The following FSD2 variants were observed in gnomAD, a reference collection of about 807,000 sequenced individuals.
FSD2 encodes the protein fibronectin type III and SPRY domain-containing protein 2.
FSD2 carries 71 observed loss-of-function variants against 80.4 expected under a neutral mutation model. The observed-to-expected ratio is 0.88, with a 90% confidence interval of 0.73 to 1.08. The LOEUF is 1.08. Ranked by LOEUF, FSD2 falls within the 50% of genes least tolerant of loss-of-function variation. FSD2 has a pLI of 0.00. For missense variants in FSD2, 923 were observed against 913.8 expected, an observed-to-expected ratio of 1.01 and a Z score of -0.13; for synonymous variants, 361 against 329.5, an observed-to-expected ratio of 1.10 and a Z score of -1.03.
intron 1 of FSD2, among the ~76,000 whole-genome samples, chr15:82,801,186 C>G (rs772748737): frequency 6.6e-6 from 1 of 152,146 alleles, no homozygotes; most frequent in Non-Finnish European, 1.5e-5. Flanking sequence ...ATTACAAGAA[C>G]CCAGGATGCT....
intron 9 of FSD2, 77 bp from the exon 10 acceptor site, chr15:82,766,108 C>A: frequency 1.4e-6 from 2 of 1,455,824 alleles, no homozygotes; most frequent in South Asian, 1.4e-5. Flanking sequence ...CCTTTCAAAG[C>A]TGGAAGGTTT....
At chr15:82,794,329 C>A (rs372553508) in intron 1 of FSD2, among the ~76,000 whole-genome samples, 1 of 152,024 alleles carries the variant, frequency 6.6e-6, no homozygotes, top group Admixed American at 6.6e-5. Flanking sequence ...CATTCCATTG[C>A]GACCAGAAAA....
intron 1 of FSD2, among the ~76,000 whole-genome samples, chr15:82,794,259 G>A (rs1949709701): frequency 6.6e-6 from 1 of 151,984 alleles, no homozygotes; most frequent in Non-Finnish European, 1.5e-5. Flanking sequence ...GGAGTGTGTT[G>A]TTTAATTTCC....
In FSD2 at chr15:82,757,234, C is replaced by T. The variant is rs914688298; in HGVS notation, c.*2114G>A. On this transcript the variant is annotated 3_prime_UTR_variant, in exon 13 of 13. Coordinates refer to ENST00000334574, the MANE Select transcript of FSD2 (RefSeq NM_001007122.4). ...CGTGTTGAGTTTTTAATCCATTTAT[C>T]CGTGTTCATACTAACGTGTAGTATT... The T allele has an allele frequency of 3.9e-5, 6 of 152,096 alleles. No individual in the cohort carries two copies. Among genetic ancestry groups the T allele is most frequent in the Admixed American group, 2.6e-4 (4 of 15,258 alleles). 9.4% of individuals were successfully genotyped at this position (152,096 alleles called of 1,614,324 possible).
At position 82,762,154 on chromosome 15, in the gene FSD2, G is replaced by C. The variant is rs775900291; in HGVS notation, c.1945C>G (p.Leu649Val). 1 of 1,612,156 alleles carries C rather than the reference G, an allele frequency of 6.2e-7. No homozygotes were observed. Among genetic ancestry groups the C allele is most frequent in the Non-Finnish European group, 8.5e-7 (1 of 1,179,120 alleles). Residue 649 changes from leucine to valine, a missense_variant, in exon 12 of 13, where the codon CTG becomes GTG. By Grantham distance (32) the Leu-to-Val change is conservative. Coordinates refer to ENST00000334574, the MANE Select transcript of FSD2 (RefSeq NM_001007122.4). ...AFADVRKQED[L>V]GANCLSWCMR... The stretch of plus-strand genomic sequence containing the variant: ...CACCAGGAGAGGCAATTTGCTCCCA[G>C]ATCCTCCTGTTTACGGACATCTGCA...
At chr15:82,789,842 A>C (rs2050097370) in intron 1 of FSD2, among the ~76,000 whole-genome samples, 2 of 152,158 alleles carry the variant, frequency 1.3e-5, no homozygotes, top group South Asian at 4.1e-4. Context: ...GGATCACTTG[A>C]GGCCAGAGTT....
Position 82,789,863 on chromosome 15 carries a change from C to A in FSD2, c.-78-2395G>T, listed in dbSNP as rs1308091870. Among the ~76,000 whole-genome samples, 3 of 152,226 alleles carry A rather than the reference C, an allele frequency of 2.0e-5. No homozygotes were observed. The East Asian group carries it at 5.8e-4, about 29-fold the overall frequency. On this transcript the variant is annotated intron_variant, in intron 1 of 12. Coordinates refer to ENST00000334574, the MANE Select transcript of FSD2 (RefSeq NM_001007122.4). Reference sequence around the variant, plus strand: ...CTTGAGGCCAGAGTTCAAGACCAGCCTGGGCAACATAGCAAGACCCTGTCT... The same window carrying A: ...CTTGAGGCCAGAGTTCAAGACCAGCATGGGCAACATAGCAAGACCCTGTCT...
chr15:82,772,172 C>T lies in FSD2; in HGVS notation c.1168G>A (p.Val390Ile), dbSNP rs998389757. The T allele has an allele frequency of 1.2e-6, 2 of 1,612,658 alleles. No homozygotes were observed. The highest frequency in any genetic ancestry group is 2.2e-5 in the South Asian group (2 of 90,600). ...QVPNSATGSS[V>I]RVCWSLYSDD... Reference sequence around the variant, plus strand: ...GAGTATAAGCTCCAGCACACTCGGACTGAGGAACCTGTGGCTGAGTTAGGG... The same window carrying T: ...GAGTATAAGCTCCAGCACACTCGGATTGAGGAACCTGTGGCTGAGTTAGGG... The change falls in exon 7 of 13, where the codon GTC becomes ATC. Residue 390 changes from valine (V) to isoleucine (I), a missense_variant. Physicochemically the swap from Val to Ile is conservative, Grantham distance 29. Coordinates refer to ENST00000334574, the MANE Select transcript of FSD2 (RefSeq NM_001007122.4).
At chr15:82,762,520 A>G (rs11633676) in intron 11 of FSD2, among the ~76,000 whole-genome samples, 21,156 of 152,190 alleles carry the variant, frequency 0.14, 1,946 homozygotes, top group South Asian at 0.33. Context: ...CAACAGAACA[A>G]GTTTTGTTTG....
chr15:82,802,284 C>G (rs2050432730), intron 1 of FSD2, among the ~76,000 whole-genome samples: 1 of 152,204 alleles, frequency 6.6e-6, no homozygotes, highest in Non-Finnish European at 1.5e-5. Flanking sequence ...TTGCTAGCTC[C>G]TCCTGGGTAT....
chr15:82,803,371 C>T (rs539064005), intron 1 of FSD2, among the ~76,000 whole-genome samples: 1 of 152,258 alleles, frequency 6.6e-6, no homozygotes, highest in African/African-American at 2.4e-5. Context: ...ATTCTGAGGG[C>T]TCCATTACTG....
At chr15:82,799,402 C>T (rs1448922845) in intron 1 of FSD2, among the ~76,000 whole-genome samples, 1 of 152,182 alleles carries the variant, frequency 6.6e-6, no homozygotes, top group Non-Finnish European at 1.5e-5. Context: ...CCCTTAACCT[C>T]CATTCTAGGC....
intron 12 of FSD2, 35 bp downstream of exon 12, chr15:82,762,067 A>T: frequency 6.6e-7 from 1 of 1,517,610 alleles, no homozygotes; most frequent in Non-Finnish European, 8.9e-7. Flanking sequence ...TTTCAAAAGC[A>T]AATTTTAATT....
chr15:82,796,598 G>A (rs554985475), intron 1 of FSD2, among the ~76,000 whole-genome samples: 1 of 152,334 alleles, frequency 6.6e-6, no homozygotes, highest in African/African-American at 2.4e-5. Flanking sequence ...GTTTTAAGCT[G>A]TCAAGTTTTG....
At chr15:82,764,203 C>A (rs917236993) in intron 11 of FSD2, among the ~76,000 whole-genome samples, 2 of 152,168 alleles carry the variant, frequency 1.3e-5, no homozygotes, top group South Asian at 4.1e-4. Context: ...AACGGAAAAA[C>A]CCCAACCTTC....
At chr15:82,790,989 TG>T (rs2050136063) in intron 1 of FSD2, among the ~76,000 whole-genome samples, 1 of 151,990 alleles carries the variant, frequency 6.6e-6, no homozygotes, top group Non-Finnish European at 1.5e-5. Context: ...TTTCGTTTTT[TG>T]TTTGTTTTGT....
intron 1 of FSD2, among the ~76,000 whole-genome samples, chr15:82,803,428 A>G (rs186203764): frequency 3.3e-5 from 5 of 152,002 alleles, no homozygotes; most frequent in Non-Finnish European, 7.4e-5. Flanking sequence ...ACCCCATGCC[A>G]TAGCTCTATA....
intron 12 of FSD2, among the ~76,000 whole-genome samples, chr15:82,760,495 C>T (rs952412311): frequency 1.3e-5 from 2 of 152,206 alleles, no homozygotes; most frequent in Admixed American, 1.3e-4. Context: ...GTCTAGGCTA[C>T]TGGGATAAAC....
At chr15:82,766,679 T>G (rs1483117523) in intron 9 of FSD2, among the ~76,000 whole-genome samples, 5 of 148,620 alleles carry the variant, frequency 3.4e-5, no homozygotes, top group African/African-American at 1.2e-4. Context: ...GAGTTGGAGG[T>G]TGCAGTGAAC....
Sources: allele counts gnomAD v4.1 joint callset (sites outside exome capture counted in the v4.1 genomes callset), GRCh38; gene constraint gnomAD v4.1.1; transcripts MANE v1.5; gene names NCBI Gene and HGNC (gene_info 2026-07-23, HGNC 2026-07-21).